The following MTUS2 variants were observed in gnomAD, a reference collection of about 807,000 sequenced individuals.
MTUS2 encodes microtubule-associated tumor suppressor candidate 2.
Under a neutral mutation model 114.1 loss-of-function variants are expected in MTUS2, and 40 were observed. That is an observed-to-expected ratio of 0.35 (90% confidence interval 0.27 to 0.46). The LOEUF (loss-of-function observed/expected upper bound fraction) is 0.46, where lower values mean the gene tolerates loss of function less well. Ranked by LOEUF, MTUS2 falls within the 20% of genes least tolerant of loss-of-function variation. MTUS2 has a pLI of 1.00. For synonymous variants in MTUS2, 688 were observed against 672.0 expected, an observed-to-expected ratio of 1.02 and a Z score of -0.37; for missense variants, 1,679 against 1,705.4, an observed-to-expected ratio of 0.98 and a Z score of 0.27.
chr13:29,399,558 T>G (rs1291946730), intron 8 of MTUS2, among the ~76,000 whole-genome samples: 1 of 152,180 alleles, frequency 6.6e-6, no homozygotes, highest in Non-Finnish European at 1.5e-5. Flanking sequence ...CAAAACTTAA[T>G]GGAGCTCAGT....
rs780993002 is a variant in MTUS2, at chr13:29,487,930, G to T, written c.3430G>T (p.Ala1144Ser). ...VEDLTASHDA[A>S]LLEMENNHTV... ...AGATCTCACCGCCAGCCATGATGCT[G>T]CTCTCCTAGAGATGGAAAATAACCA... The change falls in exon 11 of 16, where the codon GCT becomes TCT. Residue 1144 changes from alanine to serine, a missense_variant. Coordinates refer to ENST00000612955, the MANE Select transcript of MTUS2 (RefSeq NM_001033602.4). 6.2e-7 allele frequency: 1 copy of T among 1,613,952 alleles called. No homozygotes were observed. The highest frequency in any genetic ancestry group is 1.3e-5 in the African/African-American group (1 of 74,914).
intron 2 of MTUS2, among the ~76,000 whole-genome samples, chr13:28,961,771 A>C (rs564326871): frequency 2.6e-5 from 4 of 152,278 alleles, no homozygotes; most frequent in East Asian, 3.9e-4. Context: ...ACTTTGGATC[A>C]TGTGAGTTTT....
intron 7 of MTUS2, among the ~76,000 whole-genome samples, chr13:29,357,611 A>T (rs556166677): frequency 1.3e-5 from 2 of 152,310 alleles, no homozygotes; most frequent in Non-Finnish European, 2.9e-5. Flanking sequence ...TTTAGTTGGT[A>T]GTCATATTTG....
chr13:29,475,296 A>G (rs905555780), intron 9 of MTUS2, among the ~76,000 whole-genome samples: 8 of 152,258 alleles, frequency 5.3e-5, no homozygotes, highest in African/African-American at 1.7e-4. Flanking sequence ...ATCGTATAAA[A>G]GTCTAGCACA....
intron 5 of MTUS2, among the ~76,000 whole-genome samples, chr13:29,246,512 T>A (rs1250624218): frequency 1.3e-5 from 2 of 152,200 alleles, no homozygotes; most frequent in Non-Finnish European, 1.5e-5. Flanking sequence ...GAATTTTGTG[T>A]GCTTATTAAT....
chr13:28,924,642 C>G (rs1881230067), intron 2 of MTUS2, among the ~76,000 whole-genome samples: 1 of 152,182 alleles, frequency 6.6e-6, no homozygotes. Context: ...TGGCACTGCC[C>G]TTTCCTCTCT....
chr13:29,416,946 C>T (rs980043334), intron 8 of MTUS2, among the ~76,000 whole-genome samples: 6 of 152,080 alleles, frequency 3.9e-5, no homozygotes, highest in African/African-American at 1.2e-4. Context: ...TTCAATAGTA[C>T]GTTTCAATTA....
At chr13:29,220,157 A>G (rs1895851616) in intron 5 of MTUS2, among the ~76,000 whole-genome samples, 1 of 151,870 alleles carries the variant, frequency 6.6e-6, no homozygotes, top group Admixed American at 6.6e-5. Flanking sequence ...CACCATGACC[A>G]GCTGACTTTT....
At chr13:29,053,179 G>A (rs1887982045) in intron 4 of MTUS2, among the ~76,000 whole-genome samples, 1 of 152,124 alleles carries the variant, frequency 6.6e-6, no homozygotes, top group Non-Finnish European at 1.5e-5. Context: ...GATAACTAAT[G>A]TGACTATTCA....
chr13:29,099,678 T>C lies in MTUS2; in HGVS notation c.2447-1095T>C, dbSNP rs186999866. Among the ~76,000 whole-genome samples the C allele has an allele frequency of 2.2e-4, 33 of 152,330 alleles. 1 individual carries two copies. Among genetic ancestry groups the C allele is most frequent in the East Asian group, 1.2e-3 (6 of 5,190 alleles). On this transcript the variant is annotated intron_variant, in intron 4 of 15. Transcript: ENST00000612955. ...TGACTAGCATAAGAATGCCACTGAA[T>C]GGGCAGTATATAGGCACTCATGGTA...
rs1034362635 is a variant in MTUS2 at position 29,166,276 on chromosome 13, G to T, written c.2644+65306G>T. ...CTTTGAAACATAGTTTTACTGATCC[G>T]TAGACTTGAGGACGAAAAACAGGCC... On this transcript the variant is annotated intron_variant, in intron 5 of 15. Transcript: ENST00000612955. 2.0e-5 allele frequency among the ~76,000 whole-genome samples: 3 copies of T among 152,190 alleles called. No individual in the cohort carries two copies. The East Asian group carries it at 5.8e-4, about 29-fold the overall frequency.
chr13:28,913,538 C>T (rs1011110442), intron 2 of MTUS2, among the ~76,000 whole-genome samples: 2 of 152,052 alleles, frequency 1.3e-5, no homozygotes, highest in Non-Finnish European at 2.9e-5. Context: ...AGGATTTTTG[C>T]AGCGATATTC....
intron 9 of MTUS2, among the ~76,000 whole-genome samples, chr13:29,443,357 G>T (rs1878040019): frequency 6.6e-6 from 1 of 152,236 alleles, no homozygotes; most frequent in South Asian, 2.1e-4. Flanking sequence ...TGGGTGCCGG[G>T]TGTGCCAAGT....
chr13:29,369,036 C>A (rs967565993), intron 8 of MTUS2, among the ~76,000 whole-genome samples: 1 of 152,058 alleles, frequency 6.6e-6, no homozygotes, highest in Admixed American at 6.5e-5. Flanking sequence ...GAGGGGGCAT[C>A]TCTGACAGGT....
chr13:29,206,481 C>T (rs1184554282), intron 5 of MTUS2, among the ~76,000 whole-genome samples: 1 of 152,180 alleles, frequency 6.6e-6, no homozygotes, highest in Non-Finnish European at 1.5e-5. Context: ...AAATCCTTGC[C>T]TAAGCCAATG....
At position 29,026,255 on chromosome 13, in the gene MTUS2, T is replaced by G; in HGVS notation, c.1557T>G (p.Ile519Met). ...ACCTTCTAGAGAATGCAGATAAGAT[T>G]GAAAGCACCTCAGCAAGAGCAGATT... is the stretch of plus-strand genomic sequence containing the variant. ...NRNLLENADK[I>M]ESTSARADSV... The change falls in exon 3 of 16, where the codon ATT (isoleucine) becomes ATG (methionine). Residue 519 changes from isoleucine to methionine, a missense_variant. Around this residue, in one of 3 missense-constraint regions of MTUS2, gnomAD observed 843 missense variants for 770.8 expected, o/e 1.09. Coordinates refer to ENST00000612955, the MANE Select transcript of MTUS2 (RefSeq NM_001033602.4). 1 of 1,613,910 alleles carries G rather than the reference T, an allele frequency of 6.2e-7. No homozygotes were observed. Among genetic ancestry groups the G allele is most frequent in the Non-Finnish European group, 8.5e-7 (1 of 1,179,888 alleles).
intron 5 of MTUS2, among the ~76,000 whole-genome samples, chr13:29,174,390 C>G (rs1025825976): frequency 5.9e-5 from 9 of 152,160 alleles, no homozygotes; most frequent in African/African-American, 1.7e-4. Flanking sequence ...TAAGCCTCAA[C>G]ATTTAAAAAA....
At chr13:29,022,612 G>A (rs1375456189) in intron 2 of MTUS2, among the ~76,000 whole-genome samples, 1 of 152,256 alleles carries the variant, frequency 6.6e-6, no homozygotes, top group Non-Finnish European at 1.5e-5. Flanking sequence ...CATGTGGTGT[G>A]CACGTGTGCT....
At chr13:29,140,301 G>A (rs1053926933) in intron 5 of MTUS2, among the ~76,000 whole-genome samples, 1 of 152,172 alleles carries the variant, frequency 6.6e-6, no homozygotes, top group Non-Finnish European at 1.5e-5. Flanking sequence ...AGGATGGGAA[G>A]GTGATCTTCT....
Sources: allele counts gnomAD v4.1 joint callset (sites outside exome capture counted in the v4.1 genomes callset), GRCh38; gene constraint gnomAD v4.1.1; regional missense constraint gnomAD v4.1.1; transcripts MANE v1.5; gene names NCBI Gene and HGNC (gene_info 2026-07-23, HGNC 2026-07-21).